SDHB: variants seen among roughly 807,000 people sequenced by gnomAD.
SDHB encodes succinate dehydrogenase complex iron sulfur subunit B.
SDHB carries 21 observed loss-of-function variants against 39.7 expected under a neutral mutation model. The observed-to-expected ratio is 0.53, with a 90% CI of 0.37 to 0.76. The LOEUF (loss-of-function observed/expected upper bound fraction) is 0.76. Ranked by LOEUF, SDHB falls within the 30% of genes least tolerant of loss-of-function variation. SDHB has a pLI of 0.00. For synonymous variants in SDHB, 118 were observed against 117.0 expected, an observed-to-expected ratio of 1.01 and a Z score of -0.06; for missense variants, 343 against 350.9, an observed-to-expected ratio of 0.98 and a Z score of 0.18.
chr1:17,023,896 A>T, intron 6 of SDHB, 77 bp downstream of exon 6: 1 of 1,106,532 alleles, frequency 9.0e-7, no homozygotes, highest in Non-Finnish European at 1.4e-6. Context: ...TGGCTGGCTT[A>T]CAGCAATCTA....
At chr1:17,049,300 A>AC (rs1018271025) in intron 1 of SDHB, among the ~76,000 whole-genome samples, 4 of 148,968 alleles carry the variant, frequency 2.7e-5, no homozygotes, top group Non-Finnish European at 4.5e-5. Context: ...CCTAACTTGG[A>AC]CTTTTTTTTT....
At chr1:17,034,156 C>CT (rs2078037584) in intron 2 of SDHB, among the ~76,000 whole-genome samples, 3 of 143,450 alleles carry the variant, frequency 2.1e-5, no homozygotes, top group Admixed American at 7.1e-5. Flanking sequence ...CATTTTTTTT[C>CT]TTTTTTTTCT....
intron 7 of SDHB, among the ~76,000 whole-genome samples, chr1:17,020,877 CAG>C (rs975852459): frequency 2.0e-5 from 3 of 152,202 alleles, no homozygotes; most frequent in African/African-American, 7.2e-5. Context: ...ACTGGAAACA[CAG>C]AGGGTTTCCA....
chr1:17,031,722 G>A (rs1427818645), intron 3 of SDHB, among the ~76,000 whole-genome samples: 1 of 152,148 alleles, frequency 6.6e-6, no homozygotes, highest in Non-Finnish European at 1.5e-5. Flanking sequence ...TATCAATACT[G>A]GCTTTTCCTT....
Position 17,033,247 on chromosome 1 carries a change from T to C in SDHB, c.201-102A>G, listed in dbSNP as rs1426937004. 3.1e-6 allele frequency: 3 copies of C among 970,862 alleles called. No homozygotes were observed. In the African/African-American group the frequency reaches 4.9e-5, roughly 16 times the overall value. 60.1% of individuals were successfully genotyped at this position (970,862 alleles called of 1,614,324 possible). A position where few individuals can be genotyped will look rare whatever the true frequency, so the allele number is the denominator to read the frequency against. On this transcript the variant is annotated intron_variant, in intron 2 of 7. Transcript: ENST00000375499. ...ACCTGGATGTATTAGCTTATCCATT[T>C]GGTCTTCTCAGGTCACCTTCGGAAT...
At chr1:17,040,867 C>T (rs895656912) in intron 2 of SDHB, among the ~76,000 whole-genome samples, 10 of 152,244 alleles carry the variant, frequency 6.6e-5, no homozygotes, top group South Asian at 4.1e-4. Context: ...TGGTGGCTCA[C>T]GTCTGGAATC....
At chr1:17,024,175 G>C (rs963098258) in intron 5 of SDHB, 101 bp from the exon 6 acceptor site, 1 of 785,864 alleles carries the variant, frequency 1.3e-6, no homozygotes. Flanking sequence ...CATGAACAAA[G>C]TGCCTACTTG....
intron 1 of SDHB, among the ~76,000 whole-genome samples, chr1:17,050,307 A>ATT (rs995514411): frequency 6.8e-6 from 1 of 146,070 alleles, no homozygotes; most frequent in African/African-American, 2.5e-5. Context: ...AAATGTCATC[A>ATT]TTTTTTTTTT....
intron 6 of SDHB, among the ~76,000 whole-genome samples, chr1:17,023,758 C>A (rs1001706304): frequency 2.0e-5 from 3 of 152,186 alleles, no homozygotes; most frequent in African/African-American, 7.2e-5. Flanking sequence ...TTTGGGGTGA[C>A]CCTCACTGCA....
chr1:17,047,940 G>A lies in SDHB; in HGVS notation c.73-3052C>T, dbSNP rs142168271. ...AAGTGATCCTCTGCCTGGCCCTCCC[G>A]AAGAGTTGGGATATAGGCATGAGCC... is the stretch of plus-strand genomic sequence containing the variant. On this transcript the variant is annotated intron_variant, in intron 1 of 7. Coordinates refer to ENST00000375499, the MANE Select transcript of SDHB (RefSeq NM_003000.3). Among the ~76,000 whole-genome samples, 208 of 152,084 alleles carry A rather than the reference G, an allele frequency of 1.4e-3. 1 individual carries two copies. Among genetic ancestry groups the A allele is most frequent in the African/African-American group, 4.7e-3 (196 of 41,470 alleles).
chr1:17,033,039 C>T (rs1345635047), intron 3 of SDHB, 21 bp downstream of exon 3: 1 of 1,592,564 alleles, frequency 6.3e-7, no homozygotes, highest in East Asian at 2.2e-5. Context: ...ATCTGGAGCC[C>T]AACAGGAATG....
intron 1 of SDHB, among the ~76,000 whole-genome samples, chr1:17,050,270 T>C (rs2078138003): frequency 6.6e-6 from 1 of 151,918 alleles, no homozygotes. Flanking sequence ...AGTCGACATA[T>C]CCCAACATCA....
At chr1:17,041,343 A>C (rs947858491) in intron 2 of SDHB, among the ~76,000 whole-genome samples, 5 of 152,162 alleles carry the variant, frequency 3.3e-5, no homozygotes, top group Admixed American at 2.0e-4. Flanking sequence ...CATTATGAGC[A>C]TAATTTCCTT....
At chr1:17,038,656 T>C (rs540665398) in intron 2 of SDHB, among the ~76,000 whole-genome samples, 21 of 152,242 alleles carry the variant, frequency 1.4e-4, no homozygotes, top group Non-Finnish European at 2.8e-4. Flanking sequence ...GGGGAAAGTG[T>C]TCAATATCTC....
At chr1:17,053,358 A>G (rs1449334189) in intron 1 of SDHB, among the ~76,000 whole-genome samples, 2 of 152,046 alleles carry the variant, frequency 1.3e-5, no homozygotes, top group African/African-American at 4.8e-5. Context: ...ACACTGCTTT[A>G]AGGAACCCAG....
intron 5 of SDHB, among the ~76,000 whole-genome samples, chr1:17,024,654 G>A (rs1384179200): frequency 1.3e-5 from 2 of 152,216 alleles, no homozygotes; most frequent in Admixed American, 6.5e-5. Flanking sequence ...GGCGAGGAGA[G>A]TGAGTTAGGC....
At chr1:17,044,925 A>T (rs201865581) in intron 1 of SDHB, 37 bp from the exon 2 acceptor site, 11 of 1,596,266 alleles carry the variant, frequency 6.9e-6, no homozygotes, top group Admixed American at 6.7e-5. Context: ...GGAAAAAAAA[A>T]TTAGAAATAC....
intron 1 of SDHB, among the ~76,000 whole-genome samples, chr1:17,050,505 G>C (rs2078139921): frequency 6.6e-6 from 1 of 152,016 alleles, no homozygotes; most frequent in South Asian, 2.1e-4. Context: ...AAAAAAATTA[G>C]ACAGGCACGA....
At chr1:17,050,234 C>T (rs1172448454) in intron 1 of SDHB, among the ~76,000 whole-genome samples, 1 of 151,820 alleles carries the variant, frequency 6.6e-6, no homozygotes, top group Non-Finnish European at 1.5e-5. Flanking sequence ...AAGAGCAATG[C>T]CAGGATGTAC....
Sources: allele counts gnomAD v4.1 joint callset (sites outside exome capture counted in the v4.1 genomes callset), GRCh38; gene constraint gnomAD v4.1.1; transcripts MANE v1.5; gene names NCBI Gene and HGNC (gene_info 2026-07-23, HGNC 2026-07-21).